Variants in WDR7 observed in about 807,000 individuals in gnomAD.
WDR7 encodes the protein WD repeat-containing protein 7.
Under a neutral mutation model 169.4 loss-of-function variants are expected in WDR7, and 46 were observed. The observed-to-expected ratio is 0.27, with a 90% CI of 0.21 to 0.35. WDR7 has a LOEUF of 0.35. WDR7 is among the 10% of genes least tolerant of loss of function. The pLI is 1.00. For synonymous variants in WDR7, 612 were observed against 666.8 expected, an observed-to-expected ratio of 0.92 and a Z score of 1.27; for missense variants, 1,534 against 1,859.3, an observed-to-expected ratio of 0.83 and a Z score of 3.22.
chr18:56,694,791 A>T, intron 10 of WDR7, 31 bp downstream of exon 10: 1 of 1,577,698 alleles, frequency 6.3e-7, no homozygotes, highest in Non-Finnish European at 8.6e-7. Context: ...ACAATTTCTT[A>T]ATTAATTTAA....
intron 21 of WDR7, among the ~76,000 whole-genome samples, chr18:56,890,645 C>CTGT (rs1157307920): frequency 6.6e-6 from 1 of 152,168 alleles, no homozygotes; most frequent in Admixed American, 6.5e-5. Flanking sequence ...TGAAATGCTG[C>CTGT]TGTGGCCATA....
In WDR7 at chr18:57,002,279, G is replaced by A. The variant is rs528066661; in HGVS notation, c.4165-18466G>A. 6.6e-5 allele frequency among the ~76,000 whole-genome samples: 10 copies of A among 152,190 alleles called. No individual in the cohort carries two copies. In the South Asian group the frequency reaches 2.1e-3, roughly 32 times the overall value. On this transcript the variant is annotated intron_variant, in intron 26 of 27. Coordinates refer to ENST00000254442, the MANE Select transcript of WDR7 (RefSeq NM_015285.3). ...TTAAACATAACTTAAACCTATATGT[G>A]ACTGTACTATAATTTTCTTTATTGA...
At chr18:56,964,209 C>CAAAA (rs370790953) in intron 26 of WDR7, among the ~76,000 whole-genome samples, 3 of 68,734 alleles carry the variant, frequency 4.4e-5, no homozygotes, top group Non-Finnish European at 6.5e-5. Context: ...TGGTAACATG[C>CAAAA]AAAAAAAAAA....
At chr18:56,770,941 A>G (rs2044145821) in intron 16 of WDR7, among the ~76,000 whole-genome samples, 1 of 152,170 alleles carries the variant, frequency 6.6e-6, no homozygotes, top group Non-Finnish European at 1.5e-5. Context: ...TATTGTTTGT[A>G]TCAGCACCAT....
intron 12 of WDR7, among the ~76,000 whole-genome samples, chr18:56,712,782 T>G (rs1030900309): frequency 6.6e-6 from 1 of 151,964 alleles, no homozygotes; most frequent in African/African-American, 2.4e-5. Context: ...AGTCAGTTGA[T>G]AGCAGCGGTT....
chr18:56,952,857 T>G (rs1011712907), intron 25 of WDR7, among the ~76,000 whole-genome samples: 1 of 152,198 alleles, frequency 6.6e-6, no homozygotes, highest in Non-Finnish European at 1.5e-5. Context: ...AGGCTATCTA[T>G]TATATGATCC....
At chr18:56,937,476 T>G (rs1033529691) in intron 23 of WDR7, among the ~76,000 whole-genome samples, 3 of 152,206 alleles carry the variant, frequency 2.0e-5, no homozygotes, top group Admixed American at 2.0e-4. Flanking sequence ...CTAAAGTATT[T>G]CTTATTATTA....
At chr18:56,995,758 T>G (rs1028458116) in intron 26 of WDR7, among the ~76,000 whole-genome samples, 24 of 152,216 alleles carry the variant, frequency 1.6e-4, no homozygotes, top group African/African-American at 5.3e-4. Flanking sequence ...CTCTGACCTC[T>G]GCCTCCTGTC....
chr18:56,807,936 GTTAAT>G (rs2044804384), intron 19 of WDR7, among the ~76,000 whole-genome samples: 1 of 152,120 alleles, frequency 6.6e-6, no homozygotes, highest in Non-Finnish European at 1.5e-5. Flanking sequence ...CATCTATACT[GTTAAT>G]TTCATATTTT....
chr18:56,938,298 A>G (rs1368468488), intron 23 of WDR7, among the ~76,000 whole-genome samples: 1 of 152,196 alleles, frequency 6.6e-6, no homozygotes, highest in Non-Finnish European at 1.5e-5. Flanking sequence ...ACATGTCATG[A>G]TAGTGTTGTA....
At chr18:56,768,063 T>C (rs1214892275) in intron 16 of WDR7, among the ~76,000 whole-genome samples, 1 of 152,236 alleles carries the variant, frequency 6.6e-6, no homozygotes, top group Non-Finnish European at 1.5e-5. Flanking sequence ...TCTGTAATCA[T>C]AATAGATGGA....
intron 5 of WDR7, among the ~76,000 whole-genome samples, chr18:56,684,765 A>G (rs2025412975): frequency 1.3e-5 from 2 of 152,154 alleles, no homozygotes; most frequent in Admixed American, 6.5e-5. Context: ...CTGGTTAAAT[A>G]TATTTGGGAG....
Position 56,756,970 on chromosome 18 carries a change from T to C in WDR7, c.2377T>C (p.Tyr793His). ...SKSKPLTLLE[Y>H]NLTMDTAKLF... is the part of the protein sequence containing the mutation. Reference sequence around the variant, plus strand: ...ATCAAAGCCATTGACCCTATTAGAATATAATTTAACTATGGACACTGCAAA... The same window carrying C: ...ATCAAAGCCATTGACCCTATTAGAACATAATTTAACTATGGACACTGCAAA... The change falls in exon 15 of 28, where the codon TAT becomes CAT. Residue 793 changes from tyrosine to histidine, a missense_variant. By Grantham distance (83) the Tyr-to-His change is moderately conservative. Transcript: ENST00000254442. The C allele has an allele frequency of 6.2e-7, 1 of 1,614,128 alleles. No homozygotes were observed. The highest frequency in any genetic ancestry group is 1.6e-4 in the Middle Eastern group (1 of 6,062).
intron 26 of WDR7, among the ~76,000 whole-genome samples, chr18:56,999,011 A>T (rs1209548512): frequency 6.6e-6 from 1 of 152,202 alleles, no homozygotes; most frequent in Non-Finnish European, 1.5e-5. Flanking sequence ...GTCATATATA[A>T]GGTATTATTT....
chr18:56,964,880 T>A (rs1350166823), intron 26 of WDR7, among the ~76,000 whole-genome samples: 1 of 152,218 alleles, frequency 6.6e-6, no homozygotes, highest in African/African-American at 2.4e-5. Context: ...ATTACTTTTG[T>A]CAGTTACCAG....
intron 26 of WDR7, among the ~76,000 whole-genome samples, chr18:56,963,882 T>C (rs2145778370): frequency 6.6e-6 from 1 of 151,790 alleles, no homozygotes; most frequent in South Asian, 2.1e-4. Flanking sequence ...AAAACTGGAG[T>C]ATATTACTGC....
intron 21 of WDR7, among the ~76,000 whole-genome samples, chr18:56,889,234 AC>A (rs1344910884): frequency 6.6e-6 from 1 of 152,192 alleles, no homozygotes; most frequent in East Asian, 1.9e-4. Flanking sequence ...CTACTAAATT[AC>A]GTGTGTCCCA....
At chr18:56,866,094 T>C (rs1271256906) in intron 20 of WDR7, among the ~76,000 whole-genome samples, 2 of 152,178 alleles carry the variant, frequency 1.3e-5, no homozygotes, top group Non-Finnish European at 2.9e-5. Flanking sequence ...TGGTGATCCA[T>C]CCAGAATGAT....
chr18:56,799,473 T>C (rs1019775943), intron 19 of WDR7, among the ~76,000 whole-genome samples: 3 of 152,040 alleles, frequency 2.0e-5, no homozygotes, highest in Non-Finnish European at 2.9e-5. Flanking sequence ...ACTGATACTC[T>C]ATATTACAGT....
Sources: allele counts gnomAD v4.1 joint callset (sites outside exome capture counted in the v4.1 genomes callset), GRCh38; gene constraint gnomAD v4.1.1; transcripts MANE v1.5; gene names NCBI Gene and HGNC (gene_info 2026-07-23, HGNC 2026-07-21).